LRMDA: variants seen among roughly 807,000 people sequenced by gnomAD.
LRMDA encodes leucine-rich melanocyte differentiation-associated protein.
In LRMDA, 18 loss-of-function variants were observed where a neutral mutation model predicts 29.8. That is an observed-to-expected ratio of 0.60 (90% CI 0.42 to 0.90). The LOEUF is 0.90. Ranked by LOEUF, LRMDA falls within the 40% of genes least tolerant of loss-of-function variation. The pLI, the probability that LRMDA is intolerant of heterozygous loss-of-function variation, is 0.00. For missense variants in LRMDA, 273 were observed against 273.9 expected, an observed-to-expected ratio of 1.00 and a Z score of 0.02; for synonymous variants, 125 against 109.4, an observed-to-expected ratio of 1.14 and a Z score of -0.89.
At chr10:76,546,502 C>T (rs555449706) in intron 6 of LRMDA, among the ~76,000 whole-genome samples, 2 of 152,294 alleles carry the variant, frequency 1.3e-5, no homozygotes, top group African/African-American at 4.8e-5. Context: ...CAACATTCTC[C>T]GAGTGGCTAG....
intron 2 of LRMDA, among the ~76,000 whole-genome samples, chr10:76,019,677 A>G (rs7092110): frequency 0.011 from 1,666 of 152,202 alleles, 32 homozygotes; most frequent in African/African-American, 0.038. Context: ...CTTTATTGAC[A>G]GTGTTGTTGT....
chr10:76,533,515 G>A lies in LRMDA; in HGVS notation c.602-23694G>A, dbSNP rs138386290. ...CCATGCTGGCCTCCAAGAACAACTTGCTGTCATTCAGGAGCTTGCAAACTC... is the reference window on the plus strand; with the variant it reads ...CCATGCTGGCCTCCAAGAACAACTTACTGTCATTCAGGAGCTTGCAAACTC... On this transcript the variant is annotated intron_variant, in intron 6 of 6. Coordinates refer to ENST00000611255, the MANE Select transcript of LRMDA (RefSeq NM_001305581.2). Among the ~76,000 whole-genome samples the A allele has an allele frequency of 4.8e-3, 738 of 152,272 alleles. 9 individuals are homozygous for A. Among genetic ancestry groups the A allele is most frequent in the African/African-American group, 0.017 (702 of 41,540 alleles).
chr10:75,874,836 G>T (rs562721257), intron 2 of LRMDA, among the ~76,000 whole-genome samples: 1 of 152,280 alleles, frequency 6.6e-6, no homozygotes, highest in African/African-American at 2.4e-5. Context: ...GAGGTCCTCT[G>T]CTCCACTCAC....
chr10:75,733,736 G>C (rs1456201666), intron 2 of LRMDA, among the ~76,000 whole-genome samples: 1 of 152,234 alleles, frequency 6.6e-6, no homozygotes, highest in African/African-American at 2.4e-5. Flanking sequence ...GAGAAGGGAA[G>C]CAGTTTTCCC....
intron 2 of LRMDA, among the ~76,000 whole-genome samples, chr10:75,503,986 G>C (rs1485028860): frequency 6.7e-6 from 1 of 150,178 alleles, no homozygotes; most frequent in African/African-American, 2.5e-5. Flanking sequence ...TCATTCATTT[G>C]TGTGTTAGGT....
chr10:75,856,536 A>G (rs1368533250), intron 2 of LRMDA, among the ~76,000 whole-genome samples: 3 of 152,238 alleles, frequency 2.0e-5, no homozygotes, highest in Non-Finnish European at 4.4e-5. Context: ...ACATATGCAA[A>G]TCAATAAACA....
intron 2 of LRMDA, among the ~76,000 whole-genome samples, chr10:75,630,072 G>A (rs1458522350): frequency 1.3e-5 from 2 of 152,100 alleles, no homozygotes; most frequent in East Asian, 3.9e-4. Context: ...TTTAAACAAA[G>A]GCACTTTTTC....
intron 2 of LRMDA, among the ~76,000 whole-genome samples, chr10:75,842,499 C>A (rs746871114): frequency 6.6e-6 from 1 of 152,136 alleles, no homozygotes; most frequent in Non-Finnish European, 1.5e-5. Flanking sequence ...GAGTGGTTTG[C>A]AAACTGTGGG....
intron 2 of LRMDA, among the ~76,000 whole-genome samples, chr10:75,478,026 G>C (rs1268571711): frequency 2.0e-5 from 3 of 152,220 alleles, no homozygotes; most frequent in African/African-American, 4.8e-5. Context: ...GGCCCCCGAG[G>C]CACAGCCTCT....
chr10:76,275,301 C>T (rs907135794), intron 5 of LRMDA, among the ~76,000 whole-genome samples: 2 of 151,766 alleles, frequency 1.3e-5, no homozygotes, highest in Middle Eastern at 3.4e-3. Context: ...ATTTTTTTCC[C>T]CTGAATTTTA....
chr10:76,050,180 T>A (rs1010192688), intron 4 of LRMDA, among the ~76,000 whole-genome samples: 1 of 152,210 alleles, frequency 6.6e-6, no homozygotes, highest in African/African-American at 2.4e-5. Flanking sequence ...TCAGCCCAGT[T>A]TTTAGGTCAC....
intron 5 of LRMDA, among the ~76,000 whole-genome samples, chr10:76,267,197 A>T (rs1332064039): frequency 6.6e-6 from 1 of 151,508 alleles, no homozygotes; most frequent in Non-Finnish European, 1.5e-5. Context: ...TATGCACATA[A>T]TTTTTTTTTG....
chr10:76,271,287 A>G (rs1007291100), intron 5 of LRMDA, among the ~76,000 whole-genome samples: 6 of 152,132 alleles, frequency 3.9e-5, no homozygotes, highest in Non-Finnish European at 7.4e-5. Context: ...ATGCACCTGT[A>G]ATCCCAGCTA....
intron 2 of LRMDA, among the ~76,000 whole-genome samples, chr10:75,909,155 G>A (rs1008274252): frequency 6.6e-6 from 1 of 152,146 alleles, no homozygotes; most frequent in Non-Finnish European, 1.5e-5. Context: ...TAGTAAGGGA[G>A]CTATACAAGT....
rs141806180 is a variant in LRMDA, at chr10:75,547,270, G to A, written c.131+108776G>A. 4.0e-4 allele frequency among the ~76,000 whole-genome samples: 61 copies of A among 152,272 alleles called. 2 individuals carry two copies. The highest frequency in any genetic ancestry group is 3.4e-3 in the Middle Eastern group (1 of 294). On this transcript the variant is annotated intron_variant, in intron 2 of 6. Coordinates refer to ENST00000611255, the MANE Select transcript of LRMDA (RefSeq NM_001305581.2). Reference sequence around the variant, plus strand: ...TGAGTATCTCTGGACCAAAACATGCGAACCACTTGTAGGGTTATTTTAGGC... The same window carrying A: ...TGAGTATCTCTGGACCAAAACATGCAAACCACTTGTAGGGTTATTTTAGGC...
intron 2 of LRMDA, among the ~76,000 whole-genome samples, chr10:75,886,963 A>T (rs1195199759): frequency 6.6e-6 from 1 of 152,146 alleles, no homozygotes; most frequent in Non-Finnish European, 1.5e-5. Context: ...CAGATTTTAT[A>T]ACATCCAAGG....
At chr10:76,546,071 G>A (rs1448173248) in intron 6 of LRMDA, among the ~76,000 whole-genome samples, 2 of 152,114 alleles carry the variant, frequency 1.3e-5, no homozygotes, top group Non-Finnish European at 2.9e-5. Flanking sequence ...CTGTCCCAGG[G>A]CCAACCCATA....
chr10:75,786,481 C>G (rs928943763), intron 2 of LRMDA, among the ~76,000 whole-genome samples: 2 of 152,098 alleles, frequency 1.3e-5, no homozygotes, highest in African/African-American at 4.8e-5. Context: ...GTTTTCTTCT[C>G]TTTACTGTTT....
intron 2 of LRMDA, among the ~76,000 whole-genome samples, chr10:75,658,051 T>G (rs1841700821): frequency 6.6e-6 from 1 of 152,168 alleles, no homozygotes; most frequent in South Asian, 2.1e-4. Context: ...GTTTAGACTT[T>G]TTTGTACCTA....
Sources: allele counts gnomAD v4.1 joint callset (sites outside exome capture counted in the v4.1 genomes callset), GRCh38; gene constraint gnomAD v4.1.1; transcripts MANE v1.5; gene names NCBI Gene and HGNC (gene_info 2026-07-23, HGNC 2026-07-21).